Variants in OXR1 observed in about 807,000 individuals in gnomAD.
OXR1 encodes the protein oxidation resistance protein 1.
Under a neutral mutation model 104.6 loss-of-function variants are expected in OXR1, and 41 were observed. That is an observed-to-expected ratio of 0.39 (90% CI 0.31 to 0.51). OXR1 has a LOEUF of 0.51. OXR1 is among the 20% of genes least tolerant of loss of function. The pLI is 0.77. For synonymous variants in OXR1, 348 were observed against 348.4 expected (o/e 1.00, Z 0.01); for missense variants, 955 against 1,031.9 (o/e 0.93, Z 1.02).
chr8:106,482,423 A>AG (rs988196341), intron 2 of OXR1, among the ~76,000 whole-genome samples: 13 of 151,056 alleles, frequency 8.6e-5, no homozygotes, highest in African/African-American at 3.2e-4. Flanking sequence ...GGGGGAAAAA[A>AG]AAAAAAGGCT....
chr8:106,320,322 T>C (rs904808686), intron 1 of OXR1, among the ~76,000 whole-genome samples: 6 of 152,186 alleles, frequency 3.9e-5, no homozygotes, highest in South Asian at 2.1e-4. Flanking sequence ...GATCTCCTTG[T>C]CGTAGACTTA....
chr8:106,546,407 T>G (rs1815363122), intron 3 of OXR1, among the ~76,000 whole-genome samples: 1 of 152,236 alleles, frequency 6.6e-6, no homozygotes, highest in Admixed American at 6.5e-5. Context: ...CATTCATTTT[T>G]AAAATTGTGG....
rs538435171 is a variant in OXR1, at chr8:106,750,159, A to C, written c.2487-647A>C. Among the ~76,000 whole-genome samples, 105 of 150,298 alleles carry C rather than the reference A, an allele frequency of 7.0e-4. 1 individual carries two copies. The highest frequency in any genetic ancestry group is 4.3e-3 in the East Asian group (22 of 5,142). On this transcript the variant is annotated intron_variant, in intron 16 of 16. Coordinates refer to ENST00000517566, the MANE Select transcript of OXR1 (RefSeq NM_001198533.2). ...GAAAAGATAAACACACACATACACA[A>C]AAAAAAAACCATACTAAAAAAAATA...
intron 3 of OXR1, among the ~76,000 whole-genome samples, chr8:106,540,532 G>A (rs1207566181): frequency 6.6e-6 from 1 of 152,026 alleles, no homozygotes. Flanking sequence ...ATACACTTCT[G>A]TTTTCTTTTC....
chr8:106,613,150 C>G (rs944721807), intron 3 of OXR1, among the ~76,000 whole-genome samples: 1 of 151,948 alleles, frequency 6.6e-6, no homozygotes, highest in African/African-American at 2.4e-5. Flanking sequence ...GGCTATTTCC[C>G]TTCAAGCAGA....
At chr8:106,578,587 C>T (rs1166914217) in intron 3 of OXR1, among the ~76,000 whole-genome samples, 4 of 152,158 alleles carry the variant, frequency 2.6e-5, no homozygotes, top group Non-Finnish European at 5.9e-5. Context: ...TAGCATATCT[C>T]CTTTATCAAC....
intron 2 of OXR1, among the ~76,000 whole-genome samples, chr8:106,374,702 T>C (rs907425486): frequency 6.6e-6 from 1 of 152,180 alleles, no homozygotes; most frequent in African/African-American, 2.4e-5. Flanking sequence ...TGCTAAGTAA[T>C]CAGAGCAGCC....
chr8:106,703,230 T>C (rs1830739629), intron 8 of OXR1, 140 bp downstream of exon 8: 7 of 568,474 alleles, frequency 1.2e-5, no homozygotes, highest in Non-Finnish European at 1.5e-5. Context: ...ATATGCATTA[T>C]TGAGAAGATT....
chr8:106,627,795 A>G (rs1379787972), intron 3 of OXR1, among the ~76,000 whole-genome samples: 1 of 152,200 alleles, frequency 6.6e-6, no homozygotes. Context: ...AGCATTAAGC[A>G]TTTTGGCAGT....
intron 2 of OXR1, among the ~76,000 whole-genome samples, chr8:106,378,705 C>T (rs1282680534): frequency 2.0e-4 from 30 of 152,106 alleles, no homozygotes; most frequent in Admixed American, 2.0e-3. Flanking sequence ...GATGAGGTTT[C>T]TCCATGTTGG....
chr8:106,282,149 T>C (rs529104906), intron 1 of OXR1, among the ~76,000 whole-genome samples: 2 of 152,328 alleles, frequency 1.3e-5, no homozygotes, highest in Admixed American at 1.3e-4. Context: ...CTGACATGGA[T>C]AGAATTCAGT....
At chr8:106,726,102 C>T in intron 11 of OXR1, 5 of 1,339,468 alleles carry the variant, frequency 3.7e-6, no homozygotes, top group Non-Finnish European at 2.0e-6. Context: ...TCTCTCTTGT[C>T]AATCAAATCT....
intron 2 of OXR1, among the ~76,000 whole-genome samples, chr8:106,405,766 G>A (rs894066769): frequency 3.9e-5 from 6 of 151,954 alleles, no homozygotes; most frequent in African/African-American, 7.3e-5. Context: ...GATGAAGGAG[G>A]CCAATTTAGA....
chr8:106,439,605 C>T (rs1417861780), intron 2 of OXR1, among the ~76,000 whole-genome samples: 1 of 152,032 alleles, frequency 6.6e-6, no homozygotes, highest in African/African-American at 2.4e-5. Flanking sequence ...TCCCATGTAG[C>T]TAAAGGCATG....
chr8:106,617,622 G>A (rs559484836), intron 3 of OXR1, among the ~76,000 whole-genome samples: 1 of 152,238 alleles, frequency 6.6e-6, no homozygotes, highest in East Asian at 1.9e-4. Flanking sequence ...TGGAAGTTCT[G>A]GATGCAAAAC....
rs1178978234 is a variant in OXR1 at position 106,602,807 on chromosome 8, TTATAAAA to T, written c.221-76399_221-76393del. On this transcript the variant is annotated intron_variant, in intron 3 of 16. Transcript: ENST00000517566. ...ACAGTAAAAACATAAATATTAATAA[TTATAAAA>T]TATTCTACCCTGTGCAGTCCCTTAT... Among the ~76,000 whole-genome samples the T allele has an allele frequency of 3.3e-5, 5 of 152,264 alleles. No individual in the cohort carries two copies. The East Asian group carries it at 7.7e-4, about 23-fold the overall frequency.
At chr8:106,412,006 G>A (rs1818475561) in intron 2 of OXR1, among the ~76,000 whole-genome samples, 1 of 152,260 alleles carries the variant, frequency 6.6e-6, no homozygotes, top group African/African-American at 2.4e-5. Context: ...ATAAAGTGGA[G>A]AGAAAAGCAG....
intron 3 of OXR1, among the ~76,000 whole-genome samples, chr8:106,537,387 C>G (rs936666371): frequency 1.3e-5 from 2 of 151,990 alleles, no homozygotes; most frequent in Admixed American, 1.3e-4. Flanking sequence ...GTAAATGTCC[C>G]AAGGCAAGTG....
At chr8:106,647,112 C>T (rs746752558) in intron 3 of OXR1, among the ~76,000 whole-genome samples, 3 of 152,142 alleles carry the variant, frequency 2.0e-5, no homozygotes, top group African/African-American at 7.2e-5. Flanking sequence ...TAATTGTTAA[C>T]GATGCTATTG....
Sources: allele counts gnomAD v4.1 joint callset (sites outside exome capture counted in the v4.1 genomes callset), GRCh38; gene constraint gnomAD v4.1.1; transcripts MANE v1.5; gene names NCBI Gene and HGNC (gene_info 2026-07-23, HGNC 2026-07-21).